Variants in NUP153 observed in about 807,000 individuals in gnomAD.
The protein encoded by NUP153 is nucleoporin 153.
A neutral mutation model predicts 134.6 loss-of-function variants in NUP153; 27 were observed. The observed-to-expected ratio is 0.20, with a 90% CI of 0.15 to 0.28. The LOEUF is 0.28. NUP153 is among the 10% of genes least tolerant of loss of function. The pLI, the probability that NUP153 is intolerant of heterozygous loss-of-function variation, is 1.00. For synonymous variants in NUP153, 640 were observed against 623.5 expected, an observed-to-expected ratio of 1.03 and a Z score of -0.40; for missense variants, 1,821 against 1,731.3, an observed-to-expected ratio of 1.05 and a Z score of -0.92.
intron 14 of NUP153, among the ~76,000 whole-genome samples, chr6:17,640,444 T>C (rs2113788145): frequency 6.6e-6 from 1 of 152,318 alleles, no homozygotes; most frequent in South Asian, 2.1e-4. Context: ...TCAAAAAAAG[T>C]AATTTTCAAC....
At chr6:17,665,617 T>C (rs1767488036) in intron 8 of NUP153, among the ~76,000 whole-genome samples, 3 of 152,180 alleles carry the variant, frequency 2.0e-5, no homozygotes, top group South Asian at 2.1e-4. Flanking sequence ...GCTTCACGGA[T>C]ACTCTATATT....
chr6:17,679,428 G>A (rs556930155), intron 2 of NUP153, among the ~76,000 whole-genome samples: 92 of 152,256 alleles, frequency 6.0e-4, no homozygotes, highest in Admixed American at 2.2e-3. Flanking sequence ...ATATTGTTGG[G>A]ATGTCAATAC....
intron 21 of NUP153, 108 bp from the exon 22 acceptor site, chr6:17,616,289 G>GGGGGGGGGGGGGGGCC: frequency 2.1e-6 from 1 of 467,364 alleles, no homozygotes; most frequent in African/African-American, 2.1e-5. Context: ...GGGTGGGGGG[G>GGGGGGGGGGGGGGGCC]GAGTAGACTC....
chr6:17,676,381 A>T (rs1234287934), intron 2 of NUP153, among the ~76,000 whole-genome samples: 1 of 152,120 alleles, frequency 6.6e-6, no homozygotes, highest in Non-Finnish European at 1.5e-5. Context: ...TCTTCCTCTA[A>T]TGATGTATCT....
rs1042292578 is a variant in NUP153 at position 17,699,928 on chromosome 6, C to T, written c.111+6349G>A. ...AAGATATCTGCCTTGTCAGGGACTT[C>T]CCAGAAAATGGATACAGCAAGTGGA... is the stretch of plus-strand genomic sequence containing the variant. On this transcript the variant is annotated intron_variant, in intron 1 of 21. Transcript: ENST00000262077. Among the ~76,000 whole-genome samples the T allele has an allele frequency of 2.0e-5, 3 of 152,152 alleles. No individual in the cohort carries two copies. In the East Asian group the frequency reaches 5.8e-4, roughly 29 times the overall value.
Position 17,624,722 on chromosome 6 carries a change from G to A in NUP153, c.4013C>T (p.Pro1338Leu), listed in dbSNP as rs763068060. Residue 1338 changes from proline (P) to leucine (L), a missense_variant, in exon 20 of 22, where the codon CCC becomes CTC. Physicochemically the swap from Pro to Leu is moderately conservative, Grantham distance 98. Coordinates refer to ENST00000262077, the MANE Select transcript of NUP153 (RefSeq NM_005124.4). The stretch of plus-strand genomic sequence containing the variant: ...AGATGATATAGATCCAAAGCCTGGG[G>A]GATTGGGCTGGCTGGCACCTTGACT... Reference protein sequence around the residue: ...GQSQGASQPNPPGFGSISSST... With the variant: ...GQSQGASQPNLPGFGSISSST... 1.9e-5 allele frequency: 30 copies of A among 1,614,166 alleles called. 1 individual carries two copies. The South Asian group carries it at 3.3e-4, about 18-fold the overall frequency.
chr6:17,615,300 T>C lies in NUP153; in HGVS notation c.*797A>G, dbSNP rs899390607. 8 of 152,458 alleles carry C rather than the reference T, an allele frequency of 5.2e-5. No homozygotes were observed. The highest frequency in any genetic ancestry group is 1.2e-4 in the African/African-American group (5 of 41,366). The allele number at this position is 152,458 out of a possible 1,614,324, so 9.4% of individuals were successfully genotyped here. A position where few individuals can be genotyped will look rare whatever the true frequency, so the allele number is the denominator to read the frequency against. On this transcript the variant is annotated 3_prime_UTR_variant, in exon 22 of 22. Coordinates refer to ENST00000262077, the MANE Select transcript of NUP153 (RefSeq NM_005124.4). The surrounding 1 kb of genome is among the most constrained non-coding windows in gnomAD (Gnocchi z 5.7). ...GATTTCCAAATGGATTTAGGCAACT[T>C]TGAATAATGGGATTTACATAATAAA... is the stretch of plus-strand genomic sequence containing the variant.
At chr6:17,659,178 G>A (rs1767018843) in intron 11 of NUP153, among the ~76,000 whole-genome samples, 1 of 152,210 alleles carries the variant, frequency 6.6e-6, no homozygotes, top group African/African-American at 2.4e-5. Context: ...ACTTCTTCAA[G>A]CATCTCGAAA....
rs13219933 is a variant in NUP153 at position 17,706,262 on chromosome 6, G to A, written c.111+15C>T. On this transcript the variant is annotated intron_variant, in intron 1 of 21. Transcript: ENST00000262077. This position sits in a 1 kb window ranked among gnomAD's most constrained non-coding sequence, Gnocchi z 5.9. ...TCCCCACCCGCCAGGCCACCGCGGC[G>A]TCGGGGTCCCATACCTGATGCTGTT... The A allele has an allele frequency of 0.11, 181,645 of 1,597,858 alleles. 10,736 individuals carry two copies. Among genetic ancestry groups the A allele is most frequent in the Admixed American group, 0.16 (9,630 of 59,918 alleles).
chr6:17,652,251 C>T (rs1581706617), intron 11 of NUP153, among the ~76,000 whole-genome samples: 1 of 140,702 alleles, frequency 7.1e-6, no homozygotes, highest in Non-Finnish European at 1.5e-5. Flanking sequence ...AATATATTTT[C>T]TTTAAGAATT....
chr6:17,665,601 A>T (rs1767486864), intron 8 of NUP153, among the ~76,000 whole-genome samples: 1 of 152,228 alleles, frequency 6.6e-6, no homozygotes, highest in African/African-American at 2.4e-5. Flanking sequence ...ATATAATTCT[A>T]AAATGGCTTC....
intron 15 of NUP153, among the ~76,000 whole-genome samples, chr6:17,639,629 A>G (rs372031450): frequency 6.6e-6 from 1 of 152,328 alleles, no homozygotes; most frequent in African/African-American, 2.4e-5. Context: ...CAGTGCTCTC[A>G]TAAGAGAAAG....
rs1311123387 is a variant in NUP153, at chr6:17,637,590, T to C, written c.2027A>G (p.Asn676Ser). Reference protein sequence around the residue: ...TCLLQNKVTDNKCIACQAAKL... With the variant: ...TCLLQNKVTDSKCIACQAAKL... Reference sequence around the variant, plus strand: ...TGCTGCTTGACAGGCTATGCATTTGTTGTCTGTAACTTTGTTCTGGAGTAG... The same window carrying C: ...TGCTGCTTGACAGGCTATGCATTTGCTGTCTGTAACTTTGTTCTGGAGTAG... The change falls in exon 16 of 22, where the codon AAC (asparagine) becomes AGC (serine). Residue 676 changes from asparagine to serine, a missense_variant. Transcript: ENST00000262077. 6.2e-7 allele frequency: 1 copy of C among 1,614,198 alleles called. No homozygotes were observed. Among genetic ancestry groups the C allele is most frequent in the South Asian group, 1.1e-5 (1 of 91,082 alleles).
At chr6:17,631,768 C>T (rs1765267608) in intron 17 of NUP153, among the ~76,000 whole-genome samples, 1 of 151,932 alleles carries the variant, frequency 6.6e-6, no homozygotes, top group Non-Finnish European at 1.5e-5. Context: ...AGATTGAGAC[C>T]ATCCTGGCTA....
At position 17,624,589 on chromosome 6, in the gene NUP153, T is replaced by A; in HGVS notation, c.4146A>T (p.Ala1382=). The A allele has an allele frequency of 6.2e-7, 1 of 1,614,174 alleles. No homozygotes were observed. The highest frequency in any genetic ancestry group is 8.5e-7 in the Non-Finnish European group (1 of 1,180,040). The stretch of plus-strand genomic sequence containing the variant: ...AATTAGGAGTTGTTCCAGAGCCAAA[T>A]GCAGACTGACTAGGTTGCTGTCCAA... The part of the protein sequence containing the change: ...PVFGQQPSQS[A]FGSGTTPNSS... The change falls in exon 20 of 22, where the codon GCA becomes GCT. Residue 1382 remains alanine, a synonymous_variant. Transcript: ENST00000262077.
At chr6:17,679,119 G>A (rs1313097305) in intron 2 of NUP153, among the ~76,000 whole-genome samples, 2 of 152,044 alleles carry the variant, frequency 1.3e-5, no homozygotes, top group Admixed American at 6.6e-5. Flanking sequence ...AAAAAAACAT[G>A]TTTGCAGATG....
chr6:17,642,005 T>C (rs1765867652), intron 14 of NUP153, among the ~76,000 whole-genome samples: 1 of 152,214 alleles, frequency 6.6e-6, no homozygotes, highest in African/African-American at 2.4e-5. Flanking sequence ...TCTTTTTAAG[T>C]GTTTGCCAAT....
chr6:17,671,528 T>C (rs1264308042), intron 5 of NUP153, among the ~76,000 whole-genome samples: 1 of 152,164 alleles, frequency 6.6e-6, no homozygotes, highest in African/African-American at 2.4e-5. Flanking sequence ...TAATACCAAA[T>C]AACAAAAGTC....
chr6:17,665,721 TTTG>T (rs1318935651), intron 8 of NUP153, among the ~76,000 whole-genome samples: 3 of 151,724 alleles, frequency 2.0e-5, no homozygotes, highest in Non-Finnish European at 2.9e-5. Context: ...TTTACAGTTT[TTTG>T]TTTTTTTTTT....
Sources: allele counts gnomAD v4.1 joint callset (sites outside exome capture counted in the v4.1 genomes callset), GRCh38; gene constraint gnomAD v4.1.1; non-coding constraint Gnocchi (gnomAD v3.1); transcripts MANE v1.5; gene names NCBI Gene and HGNC (gene_info 2026-07-23, HGNC 2026-07-21).